Variants in CEP170 observed in about 807,000 individuals in gnomAD.
CEP170 encodes the protein centrosomal protein 170, also known as centrosomal protein of 170 kDa.
Under a neutral mutation model 151.9 loss-of-function variants are expected in CEP170, and 21 were observed. The observed-to-expected ratio is 0.14, with a 90% CI of 0.10 to 0.20. CEP170 has a LOEUF of 0.20. CEP170 is among the 10% of genes least tolerant of loss of function. CEP170 has a pLI of 1.00. For missense variants in CEP170, 964 were observed against 1,892.9 expected (o/e 0.51, Z 9.11); for synonymous variants, 356 against 648.8 (o/e 0.55, Z 6.86).
chr1:243,135,146 T>C (rs2054895749), intron 17 of CEP170, among the ~76,000 whole-genome samples: 1 of 152,192 alleles, frequency 6.6e-6, no homozygotes, highest in African/African-American at 2.4e-5. Flanking sequence ...GAATTTTAAA[T>C]TAATATTCTT....
chr1:243,172,221 G>C (rs568590472), intron 11 of CEP170, among the ~76,000 whole-genome samples: 1 of 152,106 alleles, frequency 6.6e-6, no homozygotes, highest in Non-Finnish European at 1.5e-5. Context: ...AAAAATTAAA[G>C]TTGAATTACT....
chr1:243,209,063 A>C (rs1412677933), intron 4 of CEP170, among the ~76,000 whole-genome samples: 3 of 152,214 alleles, frequency 2.0e-5, no homozygotes, highest in Non-Finnish European at 4.4e-5. Context: ...TGTATATTTC[A>C]CTGAGTATGT....
intron 1 of CEP170, among the ~76,000 whole-genome samples, chr1:243,254,187 AAAATAAATAAAT>A (rs139268057): frequency 1.7e-4 from 26 of 148,674 alleles, no homozygotes; most frequent in African/African-American, 2.3e-4. Flanking sequence ...TACATTCCTC[AAAATAAATAAAT>A]AAATAAATAA....
chr1:243,239,443 T>C (rs1275784414), intron 1 of CEP170, among the ~76,000 whole-genome samples: 1 of 152,180 alleles, frequency 6.6e-6, no homozygotes, highest in African/African-American at 2.4e-5. Flanking sequence ...AAATCCTTCC[T>C]CTATCCAGCT....
intron 10 of CEP170, among the ~76,000 whole-genome samples, chr1:243,181,212 G>A (rs71652475): frequency 6.6e-6 from 1 of 152,170 alleles, no homozygotes; most frequent in African/African-American, 2.4e-5. Flanking sequence ...ACTGTGATGG[G>A]AAGGTAGTTA....
intron 4 of CEP170, among the ~76,000 whole-genome samples, chr1:243,202,807 A>C (rs1001159324): frequency 6.6e-6 from 1 of 152,096 alleles, no homozygotes; most frequent in African/African-American, 2.4e-5. Context: ...TTCTATGAAA[A>C]AAGGCATTAA....
At chr1:243,149,130 G>A (rs1162220854) in intron 14 of CEP170, among the ~76,000 whole-genome samples, 1 of 150,746 alleles carries the variant, frequency 6.6e-6, no homozygotes, top group South Asian at 2.2e-4. Flanking sequence ...AATGTTTATC[G>A]CTACAGATAA....
Position 243,186,059 on chromosome 1 carries a change from T to C in CEP170, c.1286A>G (p.His429Arg), listed in dbSNP as rs761509831. The change falls in exon 10 of 20, where the codon CAT becomes CGT. Residue 429 changes from histidine to arginine, a missense_variant. Physicochemically the swap from His to Arg is conservative, Grantham distance 29. Transcript: ENST00000366542. ...HQDQAVTSSA[H>R]HRGGHGVPHG... ...TGGAACACCATGCCCCCCTCTGTGATGCGCAGAGCTAGTCTGTAAAGACAA... is the reference window on the plus strand; with the variant it reads ...TGGAACACCATGCCCCCCTCTGTGACGCGCAGAGCTAGTCTGTAAAGACAA... 4 of 1,613,634 alleles carry C rather than the reference T, an allele frequency of 2.5e-6. No individual in the cohort carries two copies. The highest frequency in any genetic ancestry group is 2.5e-6 in the Non-Finnish European group (3 of 1,179,682).
chr1:243,158,303 GA>G lies in CEP170; in HGVS notation c.3677-1849del, dbSNP rs773499139. On this transcript the variant is annotated intron_variant, in intron 13 of 19. Transcript: ENST00000366542. Reference sequence around the variant, plus strand: ...ATCTTACAATAGTGTTCATAAATAAGAAAAAAATCATTTGTTACATCAAATG... The same window carrying G: ...ATCTTACAATAGTGTTCATAAATAAGAAAAAATCATTTGTTACATCAAATG... Among the ~76,000 whole-genome samples the G allele has an allele frequency of 7.2e-4, 110 of 152,154 alleles. 1 individual carries two copies. Among genetic ancestry groups the G allele is most frequent in the Non-Finnish European group, 1.2e-3 (82 of 67,970 alleles).
chr1:243,237,025 A>G (rs528869503), intron 1 of CEP170, among the ~76,000 whole-genome samples: 3 of 152,308 alleles, frequency 2.0e-5, no homozygotes, highest in Admixed American at 2.0e-4. Context: ...AATCATTTCC[A>G]TTGCATTATC....
At chr1:243,137,447 A>C (rs1365644449) in intron 16 of CEP170, among the ~76,000 whole-genome samples, 1 of 152,196 alleles carries the variant, frequency 6.6e-6, no homozygotes, top group Non-Finnish European at 1.5e-5. Flanking sequence ...ACAAAACAAG[A>C]GACGTTCACA....
intron 3 of CEP170, among the ~76,000 whole-genome samples, chr1:243,218,682 G>A (rs989883957): frequency 1.3e-5 from 2 of 152,116 alleles, no homozygotes; most frequent in Non-Finnish European, 1.5e-5. Flanking sequence ...TAGGCTACAG[G>A]TTGCTAAACT....
intron 1 of CEP170, among the ~76,000 whole-genome samples, chr1:243,237,085 A>G (rs1406165901): frequency 6.6e-6 from 1 of 152,202 alleles, no homozygotes; most frequent in Non-Finnish European, 1.5e-5. Context: ...AGAAAACTGA[A>G]ACGTCTCAGA....
chr1:243,219,968 G>A (rs2062642095), intron 3 of CEP170, among the ~76,000 whole-genome samples: 1 of 152,202 alleles, frequency 6.6e-6, no homozygotes, highest in Non-Finnish European at 1.5e-5. Flanking sequence ...CTTATGTGTG[G>A]AGAAGGAAGA....
In CEP170 at chr1:243,137,570, A is replaced by T. The variant is rs2055249266; in HGVS notation, c.4231-1339T>A. Among the ~76,000 whole-genome samples the T allele has an allele frequency of 4.6e-5, 7 of 152,028 alleles. No individual in the cohort carries two copies. In the South Asian group the frequency reaches 1.2e-3, roughly 27 times the overall value. On this transcript the variant is annotated intron_variant, in intron 16 of 19. Transcript: ENST00000366542. ...GGTGGGTGGATCACGAGGTCAGGAG[A>T]TCGAGACCATCCTGGCCAACATGGT...
intron 14 of CEP170, among the ~76,000 whole-genome samples, chr1:243,152,017 T>A (rs1221609545): frequency 6.6e-6 from 1 of 152,156 alleles, no homozygotes; most frequent in Non-Finnish European, 1.5e-5. Flanking sequence ...GATTATGGCA[T>A]ATTTACAGTG....
chr1:243,129,108 T>G (rs1431660317), intron 18 of CEP170, among the ~76,000 whole-genome samples: 1 of 152,192 alleles, frequency 6.6e-6, no homozygotes, highest in Non-Finnish European at 1.5e-5. Flanking sequence ...TTCATGTTTC[T>G]AATGTTTAAT....
At chr1:243,207,523 A>G (rs2061503589) in intron 4 of CEP170, among the ~76,000 whole-genome samples, 1 of 152,142 alleles carries the variant, frequency 6.6e-6, no homozygotes, top group Non-Finnish European at 1.5e-5. Flanking sequence ...ACACCCACCA[A>G]GCCAACCTGG....
chr1:243,241,137 A>G (rs752691513), intron 1 of CEP170, among the ~76,000 whole-genome samples: 3 of 152,248 alleles, frequency 2.0e-5, no homozygotes, highest in Non-Finnish European at 4.4e-5. Context: ...TCCGAACATA[A>G]AAATGAAAAG....
Sources: allele counts gnomAD v4.1 joint callset (sites outside exome capture counted in the v4.1 genomes callset), GRCh38; gene constraint gnomAD v4.1.1; transcripts MANE v1.5; gene names NCBI Gene and HGNC (gene_info 2026-07-23, HGNC 2026-07-21).